Variants in ZNF829 observed in about 807,000 individuals in gnomAD.
ZNF829 encodes zinc finger protein 829.
In ZNF829, 25 loss-of-function variants were observed where a neutral mutation model predicts 35.2. That is an observed-to-expected ratio of 0.71 (90% CI 0.52 to 0.99). The LOEUF (loss-of-function observed/expected upper bound fraction) is 0.99, where lower values mean the gene tolerates loss of function less well. Among genes scored for constraint, ZNF829 ranks in the 50% least tolerant of loss-of-function variants. The pLI, the probability that ZNF829 is intolerant of heterozygous loss-of-function variation, is 0.00. For missense variants in ZNF829, 417 were observed against 515.3 expected (o/e 0.81, Z 1.85); for synonymous variants, 136 against 163.2 (o/e 0.83, Z 1.27).
At position 36,889,705 on chromosome 19, in the gene ZNF829, T is replaced by C. The variant is rs2073032500; in HGVS notation, c.*1787A>G. ...TAGCTAGTGGTCTGTCAGTTTTATCTTTGCAAAGAACCAACTTTTTCTTTT... is the reference window on the plus strand; with the variant it reads ...TAGCTAGTGGTCTGTCAGTTTTATCCTTGCAAAGAACCAACTTTTTCTTTT... On this transcript the variant is annotated 3_prime_UTR_variant, in exon 6 of 6. Transcript: ENST00000391711. The C allele has an allele frequency of 6.6e-6, 1 of 152,184 alleles. No individual in the cohort carries two copies. Among genetic ancestry groups the C allele is most frequent in the African/African-American group, 2.4e-5 (1 of 41,450 alleles). 9.4% of individuals were successfully genotyped at this position (152,184 alleles called of 1,614,324 possible).
At chr19:36,901,868 C>A in intron 5 of ZNF829, 1 of 756,080 alleles carries the variant, frequency 1.3e-6, no homozygotes, top group East Asian at 2.5e-5. Flanking sequence ...GAAGCGTGCC[C>A]CTCGGACACT....
chr19:36,905,043 C>T (rs7257045), intron 5 of ZNF829, among the ~76,000 whole-genome samples: 24,742 of 152,070 alleles, frequency 0.16, 2,543 homozygotes, highest in African/African-American at 0.28. Context: ...CTATTTCCAA[C>T]GCTAACTCCA....
chr19:36,916,086 C>T lies in ZNF829; in HGVS notation c.-160G>A. ...CGAGAAAAGTGGCAGGCCACCAGGC[C>T]CTCTGGGAAATGTAGTCCAGAGCGG... is the stretch of plus-strand genomic sequence containing the variant. On this transcript the variant is annotated 5_prime_UTR_variant, in exon 1 of 6. Coordinates refer to ENST00000391711, the MANE Select transcript of ZNF829 (RefSeq NM_001037232.4). The surrounding 1 kb of genome is among the most constrained non-coding windows in gnomAD (Gnocchi z 5.3). 1.4e-6 allele frequency: 1 copy of T among 714,492 alleles called. No homozygotes were observed. The highest frequency in any genetic ancestry group is 2.2e-6 in the Non-Finnish European group (1 of 446,978). The allele number at this position is 714,492 out of a possible 1,614,324, so 44.3% of individuals were successfully genotyped here. A position where few individuals can be genotyped will look rare whatever the true frequency, so the allele number is the denominator to read the frequency against.
rs930603104 is a variant in ZNF829 at position 36,892,155 on chromosome 19, A to G, written c.636T>C (p.Tyr212=). 2.5e-6 allele frequency: 4 copies of G among 1,614,134 alleles called. No individual in the cohort carries two copies. Among genetic ancestry groups the G allele is most frequent in the Non-Finnish European group, 3.4e-6 (4 of 1,180,002 alleles). Reference sequence around the variant, plus strand: ...AAGCCTTGCCACATTCCTTACATTCATAGGGTTTTTTACCAGTGTGAATCC... The same window carrying G: ...AAGCCTTGCCACATTCCTTACATTCGTAGGGTTTTTTACCAGTGTGAATCC... ...HQRIHTGKKP[Y]ECKECGKAFS... Residue 212 remains tyrosine (Y), a synonymous_variant, in exon 6 of 6, where the codon TAT becomes TAC. Transcript: ENST00000391711.
intron 5 of ZNF829, among the ~76,000 whole-genome samples, chr19:36,897,455 A>C (rs916390731): frequency 1.3e-5 from 2 of 152,230 alleles, no homozygotes; most frequent in African/African-American, 4.8e-5. Context: ...GATAAAAACC[A>C]TATGATCAGC....
At position 36,889,635 on chromosome 19, in the gene ZNF829, T is replaced by A. The variant is rs1454257257; in HGVS notation, c.*1857A>T. The A allele has an allele frequency of 2.0e-5, 3 of 152,216 alleles. No individual in the cohort carries two copies. Among genetic ancestry groups the A allele is most frequent in the Non-Finnish European group, 4.4e-5 (3 of 68,034 alleles). 9.4% of individuals were successfully genotyped at this position (152,216 alleles called of 1,614,324 possible). ...TATCAGTTATAATATCACCTTATCA[T>A]TTCTGATTGTATTTATTTGAATCTT... On this transcript the variant is annotated 3_prime_UTR_variant, in exon 6 of 6. Transcript: ENST00000391711.
At chr19:36,914,820 A>T in intron 3 of ZNF829, 145 bp downstream of exon 3, 1 of 701,120 alleles carries the variant, frequency 1.4e-6, no homozygotes, top group Non-Finnish European at 2.4e-6. Context: ...TTTTTAAATC[A>T]GAATAAATAT....
rs2073020141 is a variant in ZNF829 at position 36,888,602 on chromosome 19, G to C, written c.*2890C>G. On this transcript the variant is annotated 3_prime_UTR_variant, in exon 6 of 6. Transcript: ENST00000391711. ...ATAGGTTTAGGAAGTTACAAGGGCA[G>C]TTGTGTTACATACACATATAGTGTA... 6.6e-6 allele frequency: 1 copy of C among 152,216 alleles called. No individual in the cohort carries two copies. Among genetic ancestry groups the C allele is most frequent in the African/African-American group, 2.4e-5 (1 of 41,442 alleles). The allele number at this position is 152,216 out of a possible 1,614,324, so 9.4% of individuals were successfully genotyped here.
chr19:36,915,072 G>C, intron 2 of ZNF829, 50 bp from the exon 3 acceptor site: 1 of 1,614,046 alleles, frequency 6.2e-7, no homozygotes, highest in Non-Finnish European at 8.5e-7. Flanking sequence ...GAGACACCAG[G>C]TTTTTCTTGG....
chr19:36,911,371 C>T (rs2073263139), intron 3 of ZNF829, among the ~76,000 whole-genome samples: 1 of 152,082 alleles, frequency 6.6e-6, no homozygotes, highest in Non-Finnish European at 1.5e-5. Context: ...ACCACCACAT[C>T]CAGCTAATTT....
chr19:36,901,003 C>G lies in ZNF829; in HGVS notation c.319+6926G>C, dbSNP rs527437058. ...GGCTAAACACAGAGTTATGATATGACCCAGCAATTCTACTCCTAGGTAGAA... is the reference window on the plus strand; with the variant it reads ...GGCTAAACACAGAGTTATGATATGAGCCAGCAATTCTACTCCTAGGTAGAA... On this transcript the variant is annotated intron_variant, in intron 5 of 5. Transcript: ENST00000391711. 4.6e-5 allele frequency among the ~76,000 whole-genome samples: 7 copies of G among 152,200 alleles called. No homozygotes were observed. In the East Asian group the frequency reaches 1.2e-3, roughly 25 times the overall value.
At chr19:36,915,700 T>A (rs1004726914) in intron 1 of ZNF829, 1 of 679,290 alleles carries the variant, frequency 1.5e-6, no homozygotes, top group Non-Finnish European at 2.5e-6. Context: ...CGGGTTCAAG[T>A]GATTCTCCTG....
intron 5 of ZNF829, among the ~76,000 whole-genome samples, chr19:36,895,159 T>C (rs2087012904): frequency 1.3e-5 from 2 of 152,164 alleles, no homozygotes; most frequent in East Asian, 3.9e-4. Context: ...CAGGAAAGAA[T>C]GGGATGATAT....
intron 4 of ZNF829, 65 bp from the exon 5 acceptor site, chr19:36,908,089 C>T: frequency 7.0e-7 from 1 of 1,424,924 alleles, no homozygotes; most frequent in Non-Finnish European, 9.7e-7. Flanking sequence ...AGATCCAGTC[C>T]CTTAGTGATC....
chr19:36,908,860 A>G (rs2146246800), intron 3 of ZNF829, among the ~76,000 whole-genome samples: 1 of 152,366 alleles, frequency 6.6e-6, no homozygotes, highest in South Asian at 2.1e-4. Flanking sequence ...AGACTTCTCA[A>G]TAGCATCATT....
Position 36,891,879 on chromosome 19 carries a change from G to C in ZNF829, c.912C>G (p.Ala304=). 1 of 1,613,908 alleles carries C rather than the reference G, an allele frequency of 6.2e-7. No individual in the cohort carries two copies. Among genetic ancestry groups the C allele is most frequent in the East Asian group, 2.2e-5 (1 of 44,834 alleles). The change falls in exon 6 of 6, where the codon GCC becomes GCG. Residue 304 remains alanine (A), a synonymous_variant. Coordinates refer to ENST00000391711, the MANE Select transcript of ZNF829 (RefSeq NM_001037232.4). ...GAATAAGCCTTGAGTGTTGAGTAAAGGCTTTCCCACATTCTTTACATTCAT... is the reference window on the plus strand; with the variant it reads ...GAATAAGCCTTGAGTGTTGAGTAAACGCTTTCCCACATTCTTTACATTCAT... The part of the protein sequence containing the change: ...KPYECKECGK[A]FTQHSRLIQH...
At chr19:36,899,638 A>G (rs956213030) in intron 5 of ZNF829, among the ~76,000 whole-genome samples, 1 of 151,748 alleles carries the variant, frequency 6.6e-6, no homozygotes, top group Admixed American at 6.6e-5. Context: ...TGTATCGATA[A>G]AAACTAAAAA....
chr19:36,902,012 A>G, intron 5 of ZNF829: 1 of 694,144 alleles, frequency 1.4e-6, no homozygotes, highest in Admixed American at 1.9e-5. Context: ...GTTGTCCAGA[A>G]TACGTAATGG....
At chr19:36,894,802 T>C (rs1216626108) in intron 5 of ZNF829, among the ~76,000 whole-genome samples, 3 of 152,198 alleles carry the variant, frequency 2.0e-5, no homozygotes, top group Middle Eastern at 3.4e-3. Flanking sequence ...AGATGACATA[T>C]GGGACATCAT....
Sources: gnomAD v4.1 joint callset for allele counts (sites outside exome capture counted in the v4.1 genomes callset) on GRCh38, gnomAD v4.1.1 for gene constraint, Gnocchi (gnomAD v3.1) non-coding constraint, MANE v1.5 for transcripts, NCBI Gene and HGNC (gene_info 2026-07-23, HGNC 2026-07-21) for gene names.